MAPKAP1: variants seen among roughly 807,000 people sequenced by gnomAD.
The protein encoded by MAPKAP1 is MAPK associated protein 1, also known as target of rapamycin complex 2 subunit MAPKAP1.
Under a neutral mutation model 65.7 loss-of-function variants are expected in MAPKAP1, and 20 were observed. The ratio of observed to expected loss-of-function variants is 0.30; its 90% confidence interval spans 0.21 to 0.44. MAPKAP1 has a LOEUF of 0.44. MAPKAP1 is among the 20% of genes least tolerant of loss of function. The pLI, the probability that MAPKAP1 is intolerant of heterozygous loss-of-function variation, is 1.00. For missense variants in MAPKAP1, 423 were observed against 648.0 expected (o/e 0.65, Z 3.77); for synonymous variants, 222 against 244.3 (o/e 0.91, Z 0.85).
intron 1 of MAPKAP1, 134 bp from the exon 2 acceptor site, chr9:125,672,777 G>A (rs1277154156): frequency 4.8e-6 from 3 of 628,944 alleles, no homozygotes; most frequent in Non-Finnish European, 8.2e-6. Flanking sequence ...GAGCTTAAAA[G>A]GATTTAGTCT....
intron 4 of MAPKAP1, chr9:125,652,121 T>C: frequency 7.7e-7 from 1 of 1,298,312 alleles, no homozygotes; most frequent in Non-Finnish European, 1.0e-6. Context: ...GCTGACCTTT[T>C]CTGAGTTTGC....
At chr9:125,691,423 G>A (rs1305546978) in intron 1 of MAPKAP1, among the ~76,000 whole-genome samples, 2 of 152,130 alleles carry the variant, frequency 1.3e-5, no homozygotes, top group Non-Finnish European at 2.9e-5. Flanking sequence ...GGGAGATGAG[G>A]AGTTATGTTT....
intron 1 of MAPKAP1, among the ~76,000 whole-genome samples, chr9:125,700,889 G>A (rs1237672751): frequency 6.6e-6 from 1 of 152,186 alleles, no homozygotes; most frequent in Non-Finnish European, 1.5e-5. Flanking sequence ...ACTGTGCTGG[G>A]TGTCTCTACG....
At chr9:125,485,236 G>C (rs1035385127) in intron 8 of MAPKAP1, among the ~76,000 whole-genome samples, 2 of 152,228 alleles carry the variant, frequency 1.3e-5, no homozygotes, top group Non-Finnish European at 2.9e-5. Flanking sequence ...TAGTGCTTGA[G>C]TGTGACAGTC....
chr9:125,664,884 G>C (rs763703946), intron 3 of MAPKAP1, among the ~76,000 whole-genome samples: 4 of 152,110 alleles, frequency 2.6e-5, no homozygotes, highest in Non-Finnish European at 5.9e-5. Flanking sequence ...AACTGTCCAG[G>C]AGGTGAATTC....
intron 4 of MAPKAP1, among the ~76,000 whole-genome samples, chr9:125,634,551 G>C (rs892788912): frequency 6.6e-5 from 10 of 152,072 alleles, no homozygotes; most frequent in Admixed American, 1.3e-4. Flanking sequence ...AAGGTTTGGG[G>C]GAGGAAAAAA....
chr9:125,454,640 AC>A (rs1853099442), intron 10 of MAPKAP1, among the ~76,000 whole-genome samples: 2 of 152,020 alleles, frequency 1.3e-5, no homozygotes, highest in South Asian at 4.2e-4. Context: ...TCCATACTAC[AC>A]TGTTTACTGA....
At chr9:125,665,397 A>G (rs756571041) in intron 3 of MAPKAP1, among the ~76,000 whole-genome samples, 2 of 152,224 alleles carry the variant, frequency 1.3e-5, no homozygotes, top group Non-Finnish European at 2.9e-5. Context: ...AGAATCACCC[A>G]GGGACCTTTT....
intron 9 of MAPKAP1, among the ~76,000 whole-genome samples, chr9:125,474,836 C>T (rs1224947745): frequency 1.3e-5 from 2 of 152,228 alleles, no homozygotes; most frequent in African/African-American, 4.8e-5. Context: ...AAAAGTCCCA[C>T]TGCTGTTAAA....
intron 6 of MAPKAP1, among the ~76,000 whole-genome samples, chr9:125,554,794 C>CAAAAAAAAAAAAAAAAAAA (rs56911891): frequency 3.0e-5 from 2 of 65,640 alleles, no homozygotes; most frequent in Non-Finnish European, 5.4e-5. Context: ...AGACACTTAT[C>CAAAAAAAAAAAAAAAAAAA]AAAAAAAAAA....
At chr9:125,461,031 G>A (rs1853475115) in intron 10 of MAPKAP1, among the ~76,000 whole-genome samples, 1 of 152,180 alleles carries the variant, frequency 6.6e-6, no homozygotes, top group South Asian at 2.1e-4. Flanking sequence ...CGTTGGCCTG[G>A]CTGAGTTCTC....
At chr9:125,596,730 G>C (rs1832137097) in intron 4 of MAPKAP1, 3 of 511,726 alleles carry the variant, frequency 5.9e-6, no homozygotes, top group Non-Finnish European at 1.1e-5. Flanking sequence ...GCACAGTGGT[G>C]GCAAGGCCTA....
At chr9:125,528,301 T>C (rs972158665) in intron 7 of MAPKAP1, among the ~76,000 whole-genome samples, 4 of 152,212 alleles carry the variant, frequency 2.6e-5, no homozygotes, top group African/African-American at 9.6e-5. Flanking sequence ...CCAGCTTCCA[T>C]GGCTGGAACA....
At chr9:125,473,986 G>A (rs1854016549) in intron 9 of MAPKAP1, among the ~76,000 whole-genome samples, 1 of 152,202 alleles carries the variant, frequency 6.6e-6, no homozygotes, top group African/African-American at 2.4e-5. Context: ...GGCATGACAA[G>A]GGCTTGGAAT....
chr9:125,587,376 G>A (rs893907829), intron 4 of MAPKAP1, among the ~76,000 whole-genome samples: 1 of 152,160 alleles, frequency 6.6e-6, no homozygotes, highest in Non-Finnish European at 1.5e-5. Context: ...GACCAACCTG[G>A]CCAACATGGT....
intron 1 of MAPKAP1, among the ~76,000 whole-genome samples, chr9:125,674,478 C>T (rs997968753): frequency 6.6e-6 from 1 of 152,182 alleles, no homozygotes; most frequent in African/African-American, 2.4e-5. Context: ...GCTGGATTGA[C>T]TATGTTTCCA....
At chr9:125,631,309 AT>A (rs1172565792) in intron 4 of MAPKAP1, among the ~76,000 whole-genome samples, 5 of 152,196 alleles carry the variant, frequency 3.3e-5, no homozygotes, top group Non-Finnish European at 7.3e-5. Flanking sequence ...AGTCTCCAGC[AT>A]TTTGTTATAG....
At chr9:125,665,999 G>A (rs1834330172) in intron 3 of MAPKAP1, among the ~76,000 whole-genome samples, 2 of 152,174 alleles carry the variant, frequency 1.3e-5, no homozygotes, top group Non-Finnish European at 2.9e-5. Context: ...TAGGCACACA[G>A]GAGTTATGAA....
chr9:125,544,805 A>C (rs1405666199), intron 6 of MAPKAP1, among the ~76,000 whole-genome samples: 1 of 152,220 alleles, frequency 6.6e-6, no homozygotes. Context: ...CCCCAAGCTA[A>C]GTTCTGGAAA....
Sources: allele counts gnomAD v4.1 joint callset (sites outside exome capture counted in the v4.1 genomes callset), GRCh38; gene constraint gnomAD v4.1.1; transcripts MANE v1.5; gene names NCBI Gene and HGNC (gene_info 2026-07-23, HGNC 2026-07-21).